The following CDH23 variants were observed in gnomAD, a reference collection of about 807,000 sequenced individuals.
CDH23 encodes the protein cadherin-23.
Under a neutral mutation model 317.1 loss-of-function variants are expected in CDH23, and 189 were observed. That is an observed-to-expected ratio of 0.60 (90% CI 0.53 to 0.67). The LOEUF (loss-of-function observed/expected upper bound fraction) is 0.67. CDH23 is among the 30% of genes least tolerant of loss of function. The pLI, the probability that CDH23 is intolerant of heterozygous loss-of-function variation, is 0.00. For missense variants in CDH23, 4,401 were observed against 4,592.4 expected (o/e 0.96, Z 1.20); for synonymous variants, 1,839 against 1,876.8 (o/e 0.98, Z 0.52).
chr10:71,660,527 T>C (rs1863604676), intron 14 of CDH23, among the ~76,000 whole-genome samples: 1 of 151,954 alleles, frequency 6.6e-6, no homozygotes, highest in Admixed American at 6.5e-5. Context: ...ATGGAGGAAA[T>C]GAAAAAGGGA....
At position 71,617,219 on chromosome 10, in the gene CDH23, C is replaced by G; in HGVS notation, c.960C>G (p.Asn320Lys). The G allele has an allele frequency of 2.5e-6, 4 of 1,613,666 alleles. No homozygotes were observed. Among genetic ancestry groups the G allele is most frequent in the Non-Finnish European group, 3.4e-6 (4 of 1,179,668 alleles). The change falls in exon 11 of 70, where the codon AAC (asparagine) becomes AAG (lysine). Residue 320 changes from asparagine (N) to lysine (K), a missense_variant. Physicochemically the swap from Asn to Lys is moderately conservative, Grantham distance 94. This residue lies in a region of CDH23 where 3,068 missense variants were observed against 3,203.3 expected (regional missense o/e 0.96). Transcript: ENST00000224721. Reference sequence around the variant, plus strand: ...TCTGTCCATAGGGCACGGAGCTGAACGATGACCGCACCCCATCTGACGCTA... The same window carrying G: ...TCTGTCCATAGGGCACGGAGCTGAAGGATGACCGCACCCCATCTGACGCTA... ...FILTVKGTEL[N>K]DDRTPSDATV...
At chr10:71,510,925 C>CG in intron 4 of CDH23, 29 bp from the exon 5 acceptor site, 1 of 1,613,156 alleles carries the variant, frequency 6.2e-7, no homozygotes, top group Non-Finnish European at 8.5e-7. Context: ...CGCCTAACTG[C>CG]CCCCCTCCCT....
At chr10:71,588,106 G>A (rs897150958) in intron 9 of CDH23, among the ~76,000 whole-genome samples, 1 of 152,182 alleles carries the variant, frequency 6.6e-6, no homozygotes, top group Admixed American at 6.5e-5. Context: ...CCTGCGGAGA[G>A]GGTGAGCAGC....
intron 1 of CDH23, among the ~76,000 whole-genome samples, chr10:71,437,898 C>T (rs184792622): frequency 5.9e-5 from 9 of 152,272 alleles, no homozygotes; most frequent in Middle Eastern, 3.4e-3. Context: ...GCAACACCCT[C>T]ATCTAAATTC....
At chr10:71,559,995 A>T (rs1235735910) in intron 6 of CDH23, among the ~76,000 whole-genome samples, 1 of 152,156 alleles carries the variant, frequency 6.6e-6, no homozygotes, top group Non-Finnish European at 1.5e-5. Context: ...TCTCTCCCCT[A>T]TACTGTCCTC....
chr10:71,402,225 G>C (rs1447394302), intron 1 of CDH23, among the ~76,000 whole-genome samples: 1 of 152,234 alleles, frequency 6.6e-6, no homozygotes, highest in African/African-American at 2.4e-5. Context: ...ATATCAGACA[G>C]CCCTTCTCAG....
chr10:71,809,698 GC>G (rs1303348560), intron 60 of CDH23, 121 bp from the exon 61 acceptor site: 2 of 1,391,612 alleles, frequency 1.4e-6, no homozygotes, highest in African/African-American at 2.9e-5. Flanking sequence ...TCCCTGCTGT[GC>G]CCTGTGGGCA....
At chr10:71,653,506 A>G (rs559284884) in intron 14 of CDH23, among the ~76,000 whole-genome samples, 16 of 152,240 alleles carry the variant, frequency 1.1e-4, no homozygotes, top group Non-Finnish European at 1.9e-4. Flanking sequence ...TAGCCCAGCC[A>G]GATGATCCAG....
intron 9 of CDH23, among the ~76,000 whole-genome samples, chr10:71,583,277 C>T (rs557834666): frequency 6.6e-6 from 1 of 151,510 alleles, no homozygotes; most frequent in East Asian, 2.0e-4. Flanking sequence ...GCTGAGGCCG[C>T]AGAGGGAGGC....
chr10:71,403,317 T>C (rs1847875097), intron 1 of CDH23, among the ~76,000 whole-genome samples: 2 of 91,520 alleles, frequency 2.2e-5, no homozygotes, highest in South Asian at 3.2e-4. Context: ...TTCTCTTTCT[T>C]CCTTCCTTCC....
intron 34 of CDH23, among the ~76,000 whole-genome samples, chr10:71,735,193 T>C (rs1288733418): frequency 6.6e-6 from 1 of 152,118 alleles, no homozygotes; most frequent in Non-Finnish European, 1.5e-5. Flanking sequence ...CTCCCTCTCC[T>C]GGGGGTTGGT....
rs1236087992 is a variant in CDH23 at position 71,805,847 on chromosome 10, G to C, written c.7914G>C (p.Thr2638=). 2.5e-6 allele frequency: 4 copies of C among 1,613,694 alleles called. No homozygotes were observed. Among genetic ancestry groups the C allele is most frequent in the East Asian group, 2.2e-5 (1 of 44,890 alleles). The change falls in exon 56 of 70, where the codon ACG becomes ACC. Residue 2638 remains threonine, a synonymous_variant. Transcript: ENST00000224721. ...CCAACGTGTACGAGGTCTACGCCAC[G>C]GACAAGGATGAGGGCCTCAACGGGG... ...LRSNVYEVYA[T]DKDEGLNGAV... is the part of the protein sequence containing the mutation.
intron 9 of CDH23, among the ~76,000 whole-genome samples, chr10:71,609,086 A>G (rs1860701444): frequency 6.6e-6 from 1 of 151,998 alleles, no homozygotes; most frequent in Non-Finnish European, 1.5e-5. Flanking sequence ...TGTGGGAATG[A>G]TGAGATTTGG....
chr10:71,703,374 C>T (rs899925223), intron 24 of CDH23, among the ~76,000 whole-genome samples: 1 of 152,216 alleles, frequency 6.6e-6, no homozygotes, highest in Non-Finnish European at 1.5e-5. Flanking sequence ...AATCCCATCT[C>T]CAGCACCAGG....
chr10:71,442,955 G>A (rs757896713), intron 2 of CDH23, among the ~76,000 whole-genome samples: 18 of 152,184 alleles, frequency 1.2e-4, no homozygotes, highest in Non-Finnish European at 5.9e-5. Flanking sequence ...AAAATGGGGC[G>A]GAGGGCGAGG....
At chr10:71,563,071 G>T (rs1857211892) in intron 6 of CDH23, among the ~76,000 whole-genome samples, 1 of 152,210 alleles carries the variant, frequency 6.6e-6, no homozygotes, top group Admixed American at 6.5e-5. Flanking sequence ...TGGAAGGAGG[G>T]TGGGTGGGGA....
chr10:71,415,262 A>C (rs1468113397), intron 1 of CDH23, among the ~76,000 whole-genome samples: 2 of 152,010 alleles, frequency 1.3e-5, no homozygotes, highest in African/African-American at 2.4e-5. Context: ...CACCTGGCTA[A>C]TTTTTAAATT....
chr10:71,532,961 A>T (rs945016310), intron 6 of CDH23, among the ~76,000 whole-genome samples: 3 of 151,984 alleles, frequency 2.0e-5, no homozygotes, highest in Non-Finnish European at 4.4e-5. Flanking sequence ...GGAACTCCTG[A>T]CCTCAAGTGA....
intron 38 of CDH23, among the ~76,000 whole-genome samples, chr10:71,773,126 C>G (rs1840725043): frequency 6.6e-6 from 1 of 152,232 alleles, no homozygotes; most frequent in Non-Finnish European, 1.5e-5. Flanking sequence ...CTGCCTGCCA[C>G]TTGGGCAGCT....
Sources: allele counts gnomAD v4.1 joint callset (sites outside exome capture counted in the v4.1 genomes callset), GRCh38; gene constraint gnomAD v4.1.1; regional missense constraint gnomAD v4.1.1; transcripts MANE v1.5; gene names NCBI Gene and HGNC (gene_info 2026-07-23, HGNC 2026-07-21).